Variants in CDKN2B-AS1 observed in about 807,000 individuals in gnomAD.
The protein encoded by CDKN2B-AS1 is CDKN2B antisense RNA 1 (non-protein coding).
intron 3 of CDKN2B-AS1, among the ~76,000 whole-genome samples, chr9:22,051,750 C>G (rs1355712306): frequency 6.6e-6 from 1 of 152,008 alleles, no homozygotes; most frequent in African/African-American, 2.4e-5. Context: ...TAAAATGCAT[C>G]CTTTATATCA....
rs983005355 is a variant in CDKN2B-AS1, at chr9:22,006,798, G to T, written n.29+11637G>T. 6.6e-6 allele frequency among the ~76,000 whole-genome samples: 1 copy of T among 151,604 alleles called. No individual in the cohort carries two copies. The highest frequency in any genetic ancestry group is 2.4e-5 in the African/African-American group (1 of 41,214). ...TTAGTTCTCATAGCAAATCCCGTGC[G>T]GAAGGCTTTTGTTTGTCATGTGTCT... On this transcript the variant is annotated intron_variant and non_coding_transcript_variant, in intron 1 of 4. Coordinates refer to ENST00000650946, the Ensembl canonical transcript of CDKN2B-AS1. The surrounding 1 kb of genome is among the most constrained non-coding windows in gnomAD (Gnocchi z 6.4).
rs1820737648 is a variant in CDKN2B-AS1 at position 21,997,459 on chromosome 9, G to C, written n.29+2298G>C. Among the ~76,000 whole-genome samples the C allele has an allele frequency of 6.6e-6, 1 of 151,118 alleles. No homozygotes were observed. The highest frequency in any genetic ancestry group is 1.5e-5 in the Non-Finnish European group (1 of 67,658). On this transcript the variant is annotated intron_variant and non_coding_transcript_variant, in intron 1 of 4. Transcript: ENST00000650946. This position sits in a 1 kb window ranked among gnomAD's most constrained non-coding sequence, Gnocchi z 4.8. ...ATTATATGTCTACACACACATATGT[G>C]GGGGAGAGAAAGAGAGGGAGGGAGA...
intron 4 of CDKN2B-AS1, among the ~76,000 whole-genome samples, chr9:22,111,224 G>T (rs759356166): frequency 6.6e-6 from 1 of 152,064 alleles, no homozygotes; most frequent in Non-Finnish European, 1.5e-5. Flanking sequence ...CAAAACTGAG[G>T]CCTAGAGTCA....
chr9:22,013,672 C>T (rs183136945), intron 1 of CDKN2B-AS1, among the ~76,000 whole-genome samples: 47 of 152,238 alleles, frequency 3.1e-4, no homozygotes, highest in African/African-American at 1.1e-3. Flanking sequence ...AGGCTGGTCC[C>T]GAACTCCTGG....
At chr9:22,031,716 C>T (rs1822479863) in intron 1 of CDKN2B-AS1, among the ~76,000 whole-genome samples, 1 of 152,210 alleles carries the variant, frequency 6.6e-6, no homozygotes. Flanking sequence ...GTTTTCTCAG[C>T]CTTCTACTAT....
At chr9:22,010,569 A>T (rs1420381295) in intron 1 of CDKN2B-AS1, among the ~76,000 whole-genome samples, 1 of 152,144 alleles carries the variant, frequency 6.6e-6, no homozygotes, top group African/African-American at 2.4e-5. Flanking sequence ...CTGTAGAATT[A>T]AAAAAAGCTC....
At chr9:22,052,074 C>G (rs1823370685) in intron 3 of CDKN2B-AS1, among the ~76,000 whole-genome samples, 1 of 152,154 alleles carries the variant, frequency 6.6e-6, no homozygotes, top group African/African-American at 2.4e-5. Flanking sequence ...TCCACATTCT[C>G]ATTTCTGACT....
chr9:22,008,925 C>T, intron 1 of CDKN2B-AS1: 1 of 1,613,004 alleles, frequency 6.2e-7, no homozygotes, highest in East Asian at 2.2e-5. Flanking sequence ...GCCGCCCCCA[C>T]TGGGCATGCC....
At chr9:22,094,463 A>C (rs377334040) in intron 4 of CDKN2B-AS1, among the ~76,000 whole-genome samples, 1 of 144,528 alleles carries the variant, frequency 6.9e-6, no homozygotes, top group Non-Finnish European at 1.5e-5. Flanking sequence ...TCCAATCAGA[A>C]GTAGATTTGG....
chr9:22,072,537 G>A (rs768357427), intron 4 of CDKN2B-AS1, among the ~76,000 whole-genome samples: 6 of 152,334 alleles, frequency 3.9e-5, no homozygotes, highest in Admixed American at 6.5e-5. Context: ...CTAAGCCTTA[G>A]TTAGTTTTGT....
In CDKN2B-AS1 at chr9:22,023,391, T is replaced by C. The variant is rs975925382; in HGVS notation, n.30-23360T>C. Among the ~76,000 whole-genome samples, 18 of 152,118 alleles carry C rather than the reference T, an allele frequency of 1.2e-4. 1 individual carries two copies. The highest frequency in any genetic ancestry group is 3.9e-4 in the African/African-American group (16 of 41,430). On this transcript the variant is annotated intron_variant and non_coding_transcript_variant, in intron 1 of 4. Transcript: ENST00000650946. ...AAAGGTAGTCTTCAAGCTTGGAAATTCTCTCCTTCACTTAGTCTATTCTGT... is the reference window on the plus strand; with the variant it reads ...AAAGGTAGTCTTCAAGCTTGGAAATCCTCTCCTTCACTTAGTCTATTCTGT...
intron 4 of CDKN2B-AS1, among the ~76,000 whole-genome samples, chr9:22,123,061 T>C (rs924209118): frequency 6.6e-6 from 1 of 152,180 alleles, no homozygotes; most frequent in Non-Finnish European, 1.5e-5. Flanking sequence ...GTTGCAGAGG[T>C]CTTTCACCTC....
At chr9:22,114,786 C>A (rs1225371855) in intron 4 of CDKN2B-AS1, among the ~76,000 whole-genome samples, 2 of 152,170 alleles carry the variant, frequency 1.3e-5, no homozygotes, top group Non-Finnish European at 2.9e-5. Flanking sequence ...ACTATCAGAG[C>A]AAACAATTTT....
intron 4 of CDKN2B-AS1, among the ~76,000 whole-genome samples, chr9:22,087,403 T>C (rs1340625078): frequency 6.6e-6 from 1 of 152,216 alleles, no homozygotes; most frequent in Non-Finnish European, 1.5e-5. Flanking sequence ...CATTGAACCA[T>C]TGACTGAATC....
intron 4 of CDKN2B-AS1, among the ~76,000 whole-genome samples, chr9:22,122,935 C>T (rs886985457): frequency 2.6e-5 from 4 of 151,810 alleles, no homozygotes; most frequent in Admixed American, 1.3e-4. Context: ...CTGTGAAGAA[C>T]GTCATTAGTA....
At chr9:22,091,216 T>C (rs1660738434) in intron 4 of CDKN2B-AS1, among the ~76,000 whole-genome samples, 1 of 152,186 alleles carries the variant, frequency 6.6e-6, no homozygotes, top group East Asian at 1.9e-4. Context: ...ACCATGCTGT[T>C]TTGGTTACTG....
chr9:22,027,593 G>A (rs1822293734), intron 1 of CDKN2B-AS1, among the ~76,000 whole-genome samples: 1 of 152,018 alleles, frequency 6.6e-6, no homozygotes, highest in African/African-American at 2.4e-5. Flanking sequence ...CTTTTTTCAT[G>A]GTTACTCTTT....
chr9:22,058,119 G>A (rs1016297896), intron 4 of CDKN2B-AS1, among the ~76,000 whole-genome samples: 9 of 151,850 alleles, frequency 5.9e-5, no homozygotes, highest in East Asian at 1.9e-4. Context: ...GCTTGAATCC[G>A]AGAGGCAGAG....
At chr9:22,083,742 T>A (rs1428838953) in intron 4 of CDKN2B-AS1, among the ~76,000 whole-genome samples, 2 of 152,068 alleles carry the variant, frequency 1.3e-5, no homozygotes, top group African/African-American at 4.8e-5. Flanking sequence ...CTCAGTGAAG[T>A]TTTTGGAGGG....
Sources: allele counts gnomAD v4.1 joint callset (sites outside exome capture counted in the v4.1 genomes callset), GRCh38; gene constraint gnomAD v4.1.1; non-coding constraint Gnocchi (gnomAD v3.1); transcripts MANE v1.5; gene names NCBI Gene and HGNC (gene_info 2026-07-23, HGNC 2026-07-21).